The following ANGPT2 variants were observed in gnomAD, a reference collection of about 807,000 sequenced individuals.
ANGPT2 encodes angiopoietin-2.
ANGPT2 carries 28 observed loss-of-function variants against 62.9 expected under a neutral mutation model. The observed-to-expected ratio is 0.44, with a 90% CI of 0.33 to 0.61. The LOEUF (loss-of-function observed/expected upper bound fraction) is 0.61. Ranked by LOEUF, ANGPT2 falls within the 20% of genes least tolerant of loss-of-function variation. ANGPT2 has a pLI of 0.03. For missense variants in ANGPT2, 727 were observed against 594.9 expected, an observed-to-expected ratio of 1.22 and a Z score of -2.31; for synonymous variants, 284 against 207.8, an observed-to-expected ratio of 1.37 and a Z score of -3.15.
intron 1 of ANGPT2, among the ~76,000 whole-genome samples, chr8:6,547,048 C>T (rs1195024966): frequency 6.6e-6 from 1 of 152,086 alleles, no homozygotes; most frequent in Non-Finnish European, 1.5e-5. Flanking sequence ...TGCACGTGTT[C>T]CGTGTGTACC....
At chr8:6,509,915 G>A (rs868644884) in intron 7 of ANGPT2, among the ~76,000 whole-genome samples, 3 of 152,146 alleles carry the variant, frequency 2.0e-5, no homozygotes, top group East Asian at 3.9e-4. Context: ...GCTCGCTGCC[G>A]CTGCCTGGCA....
intron 5 of ANGPT2, among the ~76,000 whole-genome samples, chr8:6,517,223 T>G (rs1344552342): frequency 6.6e-6 from 1 of 152,176 alleles, no homozygotes; most frequent in East Asian, 1.9e-4. Flanking sequence ...CTAAGGGCAG[T>G]TAATATCTTT....
chr8:6,508,869 G>A, intron 8 of ANGPT2, 63 bp downstream of exon 8: 1 of 1,609,706 alleles, frequency 6.2e-7, no homozygotes, highest in Non-Finnish European at 8.5e-7. Flanking sequence ...CAAATTGCCA[G>A]CCTTTCCCTC....
intron 3 of ANGPT2, among the ~76,000 whole-genome samples, 164 bp from the exon 4 acceptor site, chr8:6,521,574 GA>G (rs1817347816): frequency 6.6e-6 from 1 of 152,188 alleles, no homozygotes; most frequent in Non-Finnish European, 1.5e-5. Flanking sequence ...TTGCTGAGAA[GA>G]TTAGATATAT....
intron 4 of ANGPT2, 142 bp downstream of exon 4, chr8:6,521,036 C>T (rs1241580397): frequency 1.6e-6 from 1 of 628,804 alleles, no homozygotes; most frequent in South Asian, 2.2e-5. Flanking sequence ...TTCTCTTCTT[C>T]CTTCATTTTA....
At chr8:6,529,969 T>C (rs971835553) in intron 2 of ANGPT2, among the ~76,000 whole-genome samples, 2 of 152,048 alleles carry the variant, frequency 1.3e-5, no homozygotes, top group African/African-American at 4.8e-5. Flanking sequence ...AGGTTTGCAT[T>C]GCTGCTCTGT....
chr8:6,500,168 C>T lies in ANGPT2; in HGVS notation c.*2933G>A, dbSNP rs1811870405. The T allele has an allele frequency of 2.9e-5, 15 of 518,526 alleles. No homozygotes were observed. The East Asian group carries it at 4.9e-4, about 17-fold the overall frequency. The allele number at this position is 518,526 out of a possible 1,614,324, so 32.1% of individuals were successfully genotyped here. On this transcript the variant is annotated 3_prime_UTR_variant, in exon 9 of 9. Coordinates refer to ENST00000629816, the MANE Select transcript of ANGPT2 (RefSeq NM_001118887.2). ...AGTCCAAAGAAAATTTGACGATTAACATCCTCAGAACTGAGAAAAACAAAA... is the reference window on the plus strand; with the variant it reads ...AGTCCAAAGAAAATTTGACGATTAATATCCTCAGAACTGAGAAAAACAAAA...
intron 1 of ANGPT2, among the ~76,000 whole-genome samples, chr8:6,555,144 C>T (rs748329797): frequency 3.3e-5 from 5 of 152,014 alleles, no homozygotes; most frequent in Admixed American, 6.6e-5. Flanking sequence ...TCAAATCATT[C>T]AACTTCACAT....
chr8:6,538,659 C>G (rs1244818558), intron 1 of ANGPT2, among the ~76,000 whole-genome samples: 1 of 152,316 alleles, frequency 6.6e-6, no homozygotes, highest in East Asian at 1.9e-4. Context: ...ATTGCATGCC[C>G]TAAGCAAAGA....
intron 5 of ANGPT2, among the ~76,000 whole-genome samples, chr8:6,516,661 T>A (rs949928192): frequency 6.6e-6 from 1 of 152,226 alleles, no homozygotes; most frequent in Non-Finnish European, 1.5e-5. Context: ...GCTACTTTGG[T>A]TTGAGGATTC....
At chr8:6,523,809 G>C (rs1463094049) in intron 3 of ANGPT2, among the ~76,000 whole-genome samples, 1 of 151,624 alleles carries the variant, frequency 6.6e-6, no homozygotes. Context: ...GGCTGGTCTC[G>C]AACTCCTGAC....
intron 1 of ANGPT2, among the ~76,000 whole-genome samples, chr8:6,556,568 C>T (rs1355584233): frequency 6.6e-6 from 1 of 152,130 alleles, no homozygotes; most frequent in Non-Finnish European, 1.5e-5. Flanking sequence ...CACGTTCTGA[C>T]CAAAGCATAG....
Position 6,501,824 on chromosome 8 carries a change from G to T in ANGPT2, c.*1277C>A, listed in dbSNP as rs968268735. On this transcript the variant is annotated 3_prime_UTR_variant, in exon 9 of 9. Coordinates refer to ENST00000629816, the MANE Select transcript of ANGPT2 (RefSeq NM_001118887.2). ...TGCCCACCTTGCCTACCAATGTACT[G>T]GGATTATAGGTGTGAGCCACTGCGC... The T allele has an allele frequency of 6.6e-6, 1 of 152,028 alleles. No homozygotes were observed. The highest frequency in any genetic ancestry group is 2.4e-5 in the African/African-American group (1 of 41,480). The allele number at this position is 152,028 out of a possible 1,614,324, so 9.4% of individuals were successfully genotyped here.
intron 1 of ANGPT2, among the ~76,000 whole-genome samples, chr8:6,545,873 G>T (rs769463547): frequency 6.6e-6 from 1 of 152,192 alleles, no homozygotes; most frequent in Non-Finnish European, 1.5e-5. Context: ...TCTGCTTTGA[G>T]CTACTGCAAT....
At position 6,499,739 on chromosome 8, in the gene ANGPT2, T is replaced by C. The variant is rs1811784038; in HGVS notation, c.*3362A>G. On this transcript the variant is annotated 3_prime_UTR_variant, in exon 9 of 9. Transcript: ENST00000629816. ...ACTTTGTTGTCTGAGAACACATCTA[T>C]TTCAGATCTGCGGAGTGTATCACTT... The C allele has an allele frequency of 1.2e-6, 1 of 853,816 alleles. No individual in the cohort carries two copies. The highest frequency in any genetic ancestry group is 2.0e-6 in the Non-Finnish European group (1 of 500,212). 52.9% of individuals were successfully genotyped at this position (853,816 alleles called of 1,614,324 possible). A position where few individuals can be genotyped will look rare whatever the true frequency, so the allele number is the denominator to read the frequency against.
chr8:6,514,508 A>T (rs1815845746), intron 6 of ANGPT2, among the ~76,000 whole-genome samples, 169 bp downstream of exon 6: 1 of 152,192 alleles, frequency 6.6e-6, no homozygotes, highest in South Asian at 2.1e-4. Flanking sequence ...GTTTTGATAC[A>T]GTTTACCTTA....
At chr8:6,559,210 G>A (rs1178291642) in intron 1 of ANGPT2, among the ~76,000 whole-genome samples, 1 of 141,014 alleles carries the variant, frequency 7.1e-6, no homozygotes, top group African/African-American at 2.7e-5. Flanking sequence ...GCTATTGAGT[G>A]TTTTGTAGCC....
intron 2 of ANGPT2, 106 bp from the exon 3 acceptor site, chr8:6,527,782 C>G: frequency 9.4e-7 from 1 of 1,061,814 alleles, no homozygotes; most frequent in South Asian, 1.7e-5. Flanking sequence ...ATAACAAAAA[C>G]ATTATTTATT....
At chr8:6,527,718 T>C (rs929718811) in intron 2 of ANGPT2, 42 bp from the exon 3 acceptor site, 2 of 1,525,886 alleles carry the variant, frequency 1.3e-6, no homozygotes, top group Non-Finnish European at 1.8e-6. Flanking sequence ...TATTTTTTAA[T>C]TAGTTTAACT....
Sources: allele counts gnomAD v4.1 joint callset (sites outside exome capture counted in the v4.1 genomes callset), GRCh38; gene constraint gnomAD v4.1.1; transcripts MANE v1.5; gene names NCBI Gene and HGNC (gene_info 2026-07-23, HGNC 2026-07-21).